The following MOSPD1 variants were observed in gnomAD, a reference collection of about 807,000 sequenced individuals.
MOSPD1 encodes motile sperm domain-containing protein 1.
In MOSPD1, 5 loss-of-function variants were observed where a neutral mutation model predicts 16.7. That is an observed-to-expected ratio of 0.30 (90% CI 0.16 to 0.63). The LOEUF is 0.63. Ranked by LOEUF, MOSPD1 falls within the 30% of genes least tolerant of loss-of-function variation. MOSPD1 has a pLI of 0.82. For missense variants in MOSPD1, 104 were observed against 153.6 expected, an observed-to-expected ratio of 0.68 and a Z score of 1.71; for synonymous variants, 67 against 59.2, an observed-to-expected ratio of 1.13 and a Z score of -0.61.
At chrX:134,903,950 T>C (rs139603616) in intron 1 of MOSPD1, among the ~76,000 whole-genome samples, 300 of 110,967 alleles carry the variant, frequency 2.7e-3, no homozygotes, top group Non-Finnish European at 4.3e-3. Flanking sequence ...AAACAGAGAA[T>C]TGCTTGAACC....
intron 4 of MOSPD1, among the ~76,000 whole-genome samples, chrX:134,893,504 G>A (rs1291475038): frequency 8.9e-6 from 1 of 111,845 alleles, no homozygotes; most frequent in African/African-American, 3.2e-5. Context: ...TTTTTCCCTA[G>A]TACTACAGGA....
intron 1 of MOSPD1, among the ~76,000 whole-genome samples, chrX:134,904,356 T>C (rs753020202): frequency 1.0e-3 from 113 of 112,177 alleles, no homozygotes; most frequent in Non-Finnish European, 1.9e-3. Context: ...GCATAACAAC[T>C]ACATGTGCCA....
chrX:134,897,546 T>TAAAAA (rs1221758366), intron 3 of MOSPD1, among the ~76,000 whole-genome samples: 3 of 57,879 alleles, frequency 5.2e-5, no homozygotes, highest in Admixed American at 2.3e-4. Flanking sequence ...TCTGTCTTAT[T>TAAAAA]AAAAAAAAAA....
chrX:134,908,381 C>T, intron 1 of MOSPD1, among the ~76,000 whole-genome samples: 1 of 112,086 alleles, frequency 8.9e-6, no homozygotes, highest in Non-Finnish European at 1.9e-5. Flanking sequence ...TCTTAAGTGG[C>T]TGCTCACCAT....
intron 1 of MOSPD1, among the ~76,000 whole-genome samples, chrX:134,904,349 T>A (rs1025733893): frequency 3.6e-5 from 4 of 112,140 alleles, no homozygotes; most frequent in Non-Finnish European, 7.5e-5. Context: ...TGAATTGGCA[T>A]AACAACTACA....
intron 5 of MOSPD1, among the ~76,000 whole-genome samples, chrX:134,889,937 G>GGCAAGCAC (rs1460175755): frequency 9.0e-6 from 1 of 110,511 alleles, no homozygotes; most frequent in African/African-American, 3.3e-5. Flanking sequence ...CGGGTGTGGT[G>GGCAAGCAC]GCAAGCACCT....
At chrX:134,897,952 T>C (rs774994485) in intron 3 of MOSPD1, among the ~76,000 whole-genome samples, 3 of 112,043 alleles carry the variant, frequency 2.7e-5, no homozygotes, top group Admixed American at 1.9e-4. Flanking sequence ...CACTGCAACC[T>C]CTGCCTCCTG....
At chrX:134,895,960 C>T (rs769624066) in intron 4 of MOSPD1, among the ~76,000 whole-genome samples, 2 of 111,093 alleles carry the variant, frequency 1.8e-5, no homozygotes, top group Non-Finnish European at 3.8e-5. Flanking sequence ...TTGAAATGAA[C>T]ATCCTAAAAC....
At chrX:134,908,568 G>A (rs1352085525) in intron 1 of MOSPD1, among the ~76,000 whole-genome samples, 1 of 112,064 alleles carries the variant, frequency 8.9e-6, no homozygotes, top group African/African-American at 3.2e-5. Flanking sequence ...CACAGGCAGA[G>A]AGCGCAGCTG....
At chrX:134,898,639 T>C (rs2082897478) in intron 3 of MOSPD1, among the ~76,000 whole-genome samples, 1 of 112,358 alleles carries the variant, frequency 8.9e-6, no homozygotes, top group African/African-American at 3.2e-5. Context: ...TTCCTGTTTA[T>C]ATAGATTAAC....
At chrX:134,914,548 G>A (rs1184710371) in intron 1 of MOSPD1, among the ~76,000 whole-genome samples, 3 of 111,021 alleles carry the variant, frequency 2.7e-5, no homozygotes, top group Admixed American at 1.9e-4. Flanking sequence ...TGGGGAGGGG[G>A]AAGGATACAG....
intron 1 of MOSPD1, among the ~76,000 whole-genome samples, chrX:134,902,874 A>C (rs944930447): frequency 1.8e-5 from 2 of 110,045 alleles, no homozygotes; most frequent in African/African-American, 3.3e-5. Context: ...CCAAAAAAAA[A>C]CCAAACTAAG....
intron 1 of MOSPD1, among the ~76,000 whole-genome samples, chrX:134,912,926 G>A (rs1408157915): frequency 1.0e-5 from 1 of 97,352 alleles, no homozygotes; most frequent in Admixed American, 1.2e-4. Flanking sequence ...GGGCGACGGA[G>A]ACTCTGTCTC....
intron 5 of MOSPD1, among the ~76,000 whole-genome samples, chrX:134,889,828 T>A (rs1246641118): frequency 1.8e-5 from 2 of 111,125 alleles, no homozygotes; most frequent in Non-Finnish European, 3.8e-5. Context: ...GCCAGCACTT[T>A]GGGAGGCCGG....
rs1032068870 is a variant in MOSPD1 at position 134,899,496 on chromosome X, T to C, written c.-63A>G. On this transcript the variant is annotated 5_prime_UTR_variant, in exon 2 of 6. Transcript: ENST00000370783. ...CAGTCTCAAATCTATTTTGGACTTTTCTTAGATTCAGTTAAAAACTCCAAA... is the reference window on the plus strand; with the variant it reads ...CAGTCTCAAATCTATTTTGGACTTTCCTTAGATTCAGTTAAAAACTCCAAA... 1 of 1,043,289 alleles carries C rather than the reference T, an allele frequency of 9.6e-7. No homozygotes were observed. The highest frequency in any genetic ancestry group is 1.3e-6 in the Non-Finnish European group (1 of 795,076). The allele number at this position is 1,043,289 out of a possible 1,213,427, so 86.0% of individuals were successfully genotyped here. A position where few individuals can be genotyped will look rare whatever the true frequency, so the allele number is the denominator to read the frequency against.
chrX:134,913,151 G>C (rs1482757534), intron 1 of MOSPD1, among the ~76,000 whole-genome samples: 1 of 110,822 alleles, frequency 9.0e-6, no homozygotes, highest in Non-Finnish European at 1.9e-5. Context: ...AGGGGGGGCA[G>C]ATCACTTGAG....
intron 4 of MOSPD1, among the ~76,000 whole-genome samples, chrX:134,893,943 C>G (rs1427043555): frequency 8.9e-6 from 1 of 111,852 alleles, no homozygotes; most frequent in Non-Finnish European, 1.9e-5. Context: ...AGCATAGACA[C>G]AGCAGTTCAT....
At chrX:134,891,381 T>C in intron 5 of MOSPD1, 98 bp downstream of exon 5, 1 of 838,578 alleles carries the variant, frequency 1.2e-6, no homozygotes, top group Non-Finnish European at 1.7e-6. Flanking sequence ...TTTCTTTACC[T>C]GTTCTTTGGG....
intron 1 of MOSPD1, among the ~76,000 whole-genome samples, chrX:134,914,251 C>G (rs1019177130): frequency 8.9e-6 from 1 of 112,173 alleles, no homozygotes; most frequent in African/African-American, 3.2e-5. Flanking sequence ...CTCTCGTTCC[C>G]CGACGTGAGA....
Sources: allele counts gnomAD v4.1 joint callset (sites outside exome capture counted in the v4.1 genomes callset), GRCh38; gene constraint gnomAD v4.1.1; transcripts MANE v1.5; gene names NCBI Gene and HGNC (gene_info 2026-07-23, HGNC 2026-07-21).